Variants in ALCAM observed in about 807,000 individuals in gnomAD.
The protein encoded by ALCAM is activated leukocyte cell adhesion molecule.
In ALCAM, 30 loss-of-function variants were observed where a neutral mutation model predicts 70.9. That is an observed-to-expected ratio of 0.42 (90% CI 0.32 to 0.57). ALCAM has a LOEUF of 0.57. Among genes scored for constraint, ALCAM ranks in the 20% least tolerant of loss-of-function variants. The pLI, the probability that ALCAM is intolerant of heterozygous loss-of-function variation, is 0.11. For missense variants in ALCAM, 591 were observed against 695.1 expected (o/e 0.85, Z 1.68); for synonymous variants, 249 against 242.5 (o/e 1.03, Z -0.25).
At chr3:105,392,357 A>G (rs190582551) in intron 1 of ALCAM, among the ~76,000 whole-genome samples, 18 of 151,704 alleles carry the variant, frequency 1.2e-4, no homozygotes, top group African/African-American at 3.9e-4. Context: ...GTTTATTTGC[A>G]TAACGGTGTT....
intron 1 of ALCAM, among the ~76,000 whole-genome samples, chr3:105,419,951 C>T (rs1298714235): frequency 6.6e-6 from 1 of 151,728 alleles, no homozygotes; most frequent in Non-Finnish European, 1.5e-5. Flanking sequence ...GCACAGCTAG[C>T]TTCACGGTTC....
intron 1 of ALCAM, among the ~76,000 whole-genome samples, chr3:105,438,060 A>G (rs1937089955): frequency 6.6e-6 from 1 of 152,112 alleles, no homozygotes; most frequent in Non-Finnish European, 1.5e-5. Flanking sequence ...GCTGCCCACT[A>G]ATAGCCTTTG....
At chr3:105,456,660 T>C (rs1428895611) in intron 1 of ALCAM, among the ~76,000 whole-genome samples, 1 of 152,184 alleles carries the variant, frequency 6.6e-6, no homozygotes, top group Admixed American at 6.5e-5. Context: ...TTAATATTAG[T>C]ACAGTAGAGT....
intron 1 of ALCAM, among the ~76,000 whole-genome samples, chr3:105,465,084 A>G (rs1048786365): frequency 6.6e-6 from 1 of 151,542 alleles, no homozygotes; most frequent in Admixed American, 6.6e-5. Context: ...AAATAGTATC[A>G]CTTAGAAGTT....
chr3:105,407,860 T>C (rs1412986932), intron 1 of ALCAM, among the ~76,000 whole-genome samples: 1 of 152,162 alleles, frequency 6.6e-6, no homozygotes, highest in African/African-American at 2.4e-5. Flanking sequence ...TTCAGCAAAG[T>C]TTCAGGACAC....
intron 1 of ALCAM, among the ~76,000 whole-genome samples, chr3:105,438,703 A>G (rs66892237): frequency 0.091 from 13,901 of 152,192 alleles, 868 homozygotes; most frequent in Admixed American, 0.21. Context: ...TGAAGCAATC[A>G]TGTTGCTACA....
At chr3:105,530,386 C>A (rs1302880141) in intron 3 of ALCAM, among the ~76,000 whole-genome samples, 6 of 152,010 alleles carry the variant, frequency 3.9e-5, no homozygotes, top group Admixed American at 1.3e-4. Context: ...CTTTAACCCC[C>A]ACACAATATG....
chr3:105,442,061 T>A (rs1163186023), intron 1 of ALCAM, among the ~76,000 whole-genome samples: 1 of 152,234 alleles, frequency 6.6e-6, no homozygotes, highest in Non-Finnish European at 1.5e-5. Flanking sequence ...ACATATTATT[T>A]CTTTCTATAT....
chr3:105,556,412 C>T (rs975366671), intron 14 of ALCAM, among the ~76,000 whole-genome samples: 8 of 151,884 alleles, frequency 5.3e-5, no homozygotes, highest in African/African-American at 1.7e-4. Flanking sequence ...GAGAGATTTA[C>T]CTTTTGCAGC....
At chr3:105,369,732 G>A (rs911481260) in intron 1 of ALCAM, among the ~76,000 whole-genome samples, 1 of 152,072 alleles carries the variant, frequency 6.6e-6, no homozygotes, top group East Asian at 1.9e-4. Context: ...ATGTCCAGTT[G>A]TAGAGGTCAA....
intron 1 of ALCAM, among the ~76,000 whole-genome samples, chr3:105,485,882 C>T (rs1171601846): frequency 6.6e-6 from 1 of 151,818 alleles, no homozygotes; most frequent in Non-Finnish European, 1.5e-5. Context: ...AGATTTGACT[C>T]TGCTGTAGAA....
intron 1 of ALCAM, among the ~76,000 whole-genome samples, chr3:105,390,897 A>G (rs1167712584): frequency 1.3e-5 from 2 of 152,040 alleles, no homozygotes; most frequent in African/African-American, 4.8e-5. Flanking sequence ...CGAAGAGCAG[A>G]TGGTTGTAGA....
chr3:105,484,975 A>G (rs1280624567), intron 1 of ALCAM, among the ~76,000 whole-genome samples: 1 of 152,118 alleles, frequency 6.6e-6, no homozygotes, highest in African/African-American at 2.4e-5. Flanking sequence ...AATAATACAA[A>G]TCTTGAAAAC....
intron 1 of ALCAM, among the ~76,000 whole-genome samples, chr3:105,472,194 G>C (rs966638127): frequency 6.6e-6 from 1 of 150,978 alleles, no homozygotes; most frequent in African/African-American, 2.4e-5. Context: ...TTGTTTCTTT[G>C]TTTGTTTGTT....
At chr3:105,461,549 T>C (rs1937605301) in intron 1 of ALCAM, among the ~76,000 whole-genome samples, 1 of 151,832 alleles carries the variant, frequency 6.6e-6, no homozygotes, top group Non-Finnish European at 1.5e-5. Context: ...GAGAGATCAA[T>C]GTTGGTTGAG....
At chr3:105,566,431 A>C (rs543946389) in intron 14 of ALCAM, among the ~76,000 whole-genome samples, 1 of 152,180 alleles carries the variant, frequency 6.6e-6, no homozygotes, top group Non-Finnish European at 1.5e-5. Flanking sequence ...AACCTTTGTA[A>C]TTACAAAATA....
At chr3:105,482,329 C>A (rs1433675504) in intron 1 of ALCAM, among the ~76,000 whole-genome samples, 5 of 152,078 alleles carry the variant, frequency 3.3e-5, no homozygotes, top group Non-Finnish European at 7.4e-5. Flanking sequence ...CCAGGCTGGT[C>A]TCACATTCTT....
At chr3:105,463,637 CT>C (rs1323451356) in intron 1 of ALCAM, among the ~76,000 whole-genome samples, 5 of 151,366 alleles carry the variant, frequency 3.3e-5, no homozygotes, top group Non-Finnish European at 7.4e-5. Context: ...TAGACTAATT[CT>C]TTTGAAAGGT....
intron 14 of ALCAM, among the ~76,000 whole-genome samples, 185 bp from the exon 15 acceptor site, chr3:105,571,667 C>T (rs1576248777): frequency 6.6e-6 from 1 of 152,108 alleles, no homozygotes; most frequent in South Asian, 2.1e-4. Context: ...AACCCCATCA[C>T]CAAGCTAATT....
Sources: gnomAD v4.1 joint callset for allele counts (sites outside exome capture counted in the v4.1 genomes callset) on GRCh38, gnomAD v4.1.1 for gene constraint, MANE v1.5 for transcripts, NCBI Gene and HGNC (gene_info 2026-07-23, HGNC 2026-07-21) for gene names.